The following ERN1 variants were observed in gnomAD, a reference collection of about 807,000 sequenced individuals.
ERN1 encodes endoplasmic reticulum to nucleus signaling 1.
A neutral mutation model predicts 113.1 loss-of-function variants in ERN1; 39 were observed. The observed-to-expected ratio is 0.34, with a 90% confidence interval of 0.27 to 0.45. The LOEUF (loss-of-function observed/expected upper bound fraction) is 0.45, where lower values mean the gene tolerates loss of function less well. Among genes scored for constraint, ERN1 ranks in the 20% least tolerant of loss-of-function variants. The pLI is 1.00. For synonymous variants in ERN1, 507 were observed against 515.9 expected (o/e 0.98, Z 0.23); for missense variants, 976 against 1,274.8 (o/e 0.77, Z 3.57).
At chr17:64,098,696 GA>G in intron 1 of ERN1, 1 of 395,140 alleles carries the variant, frequency 2.5e-6, no homozygotes, top group Admixed American at 3.4e-5. Flanking sequence ...AGCAAAATAG[GA>G]AAAACAGCTT....
intron 1 of ERN1, among the ~76,000 whole-genome samples, chr17:64,113,403 A>G (rs1914722628): frequency 6.6e-6 from 1 of 152,242 alleles, no homozygotes; most frequent in Non-Finnish European, 1.5e-5. Context: ...AAACAAGTAT[A>G]CATAATTAGT....
rs1319705233 is a variant in ERN1 at position 64,063,957 on chromosome 17, T to A, written c.1087+29A>T. The A allele has an allele frequency of 6.2e-7, 1 of 1,609,668 alleles. No homozygotes were observed. The highest frequency in any genetic ancestry group is 2.2e-5 in the East Asian group (1 of 44,846). On this transcript the variant is annotated intron_variant, in intron 10 of 21. Transcript: ENST00000433197. This position sits in a 1 kb window ranked among gnomAD's most constrained non-coding sequence, Gnocchi z 5.1. ...CACCAGGAGGCAGCACGCTGTCACC[T>A]CAGGCTACTGTGGGAGACCTGCTCT...
intron 1 of ERN1, among the ~76,000 whole-genome samples, chr17:64,124,131 C>T (rs1302631838): frequency 1.3e-5 from 2 of 152,110 alleles, no homozygotes; most frequent in Non-Finnish European, 2.9e-5. Flanking sequence ...GACACTGTAA[C>T]CCTCCTTCCT....
chr17:64,096,562 C>T (rs1379762582), intron 2 of ERN1, among the ~76,000 whole-genome samples: 1 of 152,206 alleles, frequency 6.6e-6, no homozygotes, highest in African/African-American at 2.4e-5. Flanking sequence ...TTCCCTGCCC[C>T]TGCTCCCCCG....
At chr17:64,059,576 G>A (rs1176523446) in intron 11 of ERN1, among the ~76,000 whole-genome samples, 2 of 152,342 alleles carry the variant, frequency 1.3e-5, no homozygotes, top group African/African-American at 4.8e-5. Context: ...CAAAGCAATG[G>A]CTTCCCCAAC....
At position 64,121,554 on chromosome 17, in the gene ERN1, A is replaced by T. The variant is rs1202851125; in HGVS notation, c.54+8422T>A. Reference sequence around the variant, plus strand: ...GCCCAGGCTGGAGTGCAATGGCAGGATCTCAGCTCACTGCAACCTCCGCCT... The same window carrying T: ...GCCCAGGCTGGAGTGCAATGGCAGGTTCTCAGCTCACTGCAACCTCCGCCT... On this transcript the variant is annotated intron_variant, in intron 1 of 21. Transcript: ENST00000433197. Among the ~76,000 whole-genome samples the T allele has an allele frequency of 3.3e-5, 5 of 152,146 alleles. No homozygotes were observed. In the East Asian group the frequency reaches 7.7e-4, roughly 23 times the overall value.
intron 1 of ERN1, among the ~76,000 whole-genome samples, chr17:64,122,444 G>A (rs1914978868): frequency 1.3e-5 from 2 of 152,200 alleles, no homozygotes; most frequent in African/African-American, 2.4e-5. Flanking sequence ...AGCCCATCAA[G>A]CAGTCTAATG....
At position 64,043,943 on chromosome 17, in the gene ERN1, C is replaced by T. The variant is rs370321490; in HGVS notation, c.*45G>A. Reference sequence around the variant, plus strand: ...CAAGCTCTAATTGTGGTGACCAGGCCCTCAGTCACAGCTGGGGCCACCAGA... The same window carrying T: ...CAAGCTCTAATTGTGGTGACCAGGCTCTCAGTCACAGCTGGGGCCACCAGA... On this transcript the variant is annotated 3_prime_UTR_variant, in exon 22 of 22. Transcript: ENST00000433197. 7.5e-7 allele frequency: 1 copy of T among 1,341,686 alleles called. No homozygotes were observed. The highest frequency in any genetic ancestry group is 1.0e-6 in the Non-Finnish European group (1 of 955,400). 83.1% of individuals were successfully genotyped at this position (1,341,686 alleles called of 1,614,324 possible). A position where few individuals can be genotyped will look rare whatever the true frequency, so the allele number is the denominator to read the frequency against.
In ERN1 at chr17:64,075,436, T is replaced by C. The variant is rs950874013; in HGVS notation, c.283-189A>G. On this transcript the variant is annotated intron_variant, in intron 4 of 21. Transcript: ENST00000433197. Reference sequence around the variant, plus strand: ...TATGCTTCCACATCTACTGTGTTTTTATTTTCATTTTTTTGAGACAGGGTC... The same window carrying C: ...TATGCTTCCACATCTACTGTGTTTTCATTTTCATTTTTTTGAGACAGGGTC... Among the ~76,000 whole-genome samples, 8 of 152,278 alleles carry C rather than the reference T, an allele frequency of 5.3e-5. No homozygotes were observed. The East Asian group carries it at 1.5e-3, about 29-fold the overall frequency.
intron 2 of ERN1, among the ~76,000 whole-genome samples, chr17:64,086,613 A>G (rs371187948): frequency 2.2e-5 from 1 of 46,286 alleles, no homozygotes; most frequent in African/African-American, 7.2e-5. Context: ...ACCTATTTTC[A>G]TTTCTTTTTT....
chr17:64,083,518 C>T (rs1259188914), intron 2 of ERN1, among the ~76,000 whole-genome samples: 1 of 152,068 alleles, frequency 6.6e-6, no homozygotes, highest in Non-Finnish European at 1.5e-5. Flanking sequence ...AAGCCAATGT[C>T]ACCAAGTTGT....
chr17:64,054,521 T>C lies in ERN1; in HGVS notation c.1764-82A>G, dbSNP rs1040511117. 1 of 1,340,198 alleles carries C rather than the reference T, an allele frequency of 7.5e-7. No homozygotes were observed. Among genetic ancestry groups the C allele is most frequent in the Admixed American group, 2.1e-5 (1 of 47,252 alleles). The allele number at this position is 1,340,198 out of a possible 1,614,324, so 83.0% of individuals were successfully genotyped here. Reference sequence around the variant, plus strand: ...GAGGTGAGAACCTGGGTCCACAGCATTCACCTACTGCCTCCCAGCCTAGAG... The same window carrying C: ...GAGGTGAGAACCTGGGTCCACAGCACTCACCTACTGCCTCCCAGCCTAGAG... On this transcript the variant is annotated intron_variant, in intron 14 of 21. Coordinates refer to ENST00000433197, the MANE Select transcript of ERN1 (RefSeq NM_001433.5). This position sits in a 1 kb window ranked among gnomAD's most constrained non-coding sequence, Gnocchi z 4.9.
At chr17:64,098,312 C>T in intron 1 of ERN1, 71 bp from the exon 2 acceptor site, 1 of 1,565,928 alleles carries the variant, frequency 6.4e-7, no homozygotes, top group Non-Finnish European at 8.8e-7. Flanking sequence ...ATCACAGACC[C>T]CCCACTCCCA....
intron 1 of ERN1, among the ~76,000 whole-genome samples, chr17:64,116,654 A>AACACACACACAC (rs149334208): frequency 2.7e-5 from 4 of 149,674 alleles, no homozygotes; most frequent in African/African-American, 9.9e-5. Flanking sequence ...AAAAAAAAAT[A>AACACACACACAC]ACACACACAC....
chr17:64,128,267 T>A (rs1915135675), intron 1 of ERN1, among the ~76,000 whole-genome samples: 1 of 148,576 alleles, frequency 6.7e-6, no homozygotes, highest in African/African-American at 2.5e-5. Context: ...CACCTCAGCC[T>A]CCCAAAGTGC....
Position 64,063,893 on chromosome 17 carries a change from G to A in ERN1, c.1087+93C>T, listed in dbSNP as rs1598053776. On this transcript the variant is annotated intron_variant, in intron 10 of 21. Transcript: ENST00000433197. This position sits in a 1 kb window ranked among gnomAD's most constrained non-coding sequence, Gnocchi z 5.1. ...AAGGGCTCTGAGCACAAGGCCTTCCGAGCTCAGTACGGTGTAACTACCAGG... is the reference window on the plus strand; with the variant it reads ...AAGGGCTCTGAGCACAAGGCCTTCCAAGCTCAGTACGGTGTAACTACCAGG... The A allele has an allele frequency of 3.2e-6, 4 of 1,252,092 alleles. No individual in the cohort carries two copies. Among genetic ancestry groups the A allele is most frequent in the Admixed American group, 2.1e-5 (1 of 48,134 alleles). 77.6% of individuals were successfully genotyped at this position (1,252,092 alleles called of 1,614,324 possible). A position where few individuals can be genotyped will look rare whatever the true frequency, so the allele number is the denominator to read the frequency against.
chr17:64,094,435 A>C (rs184850968), intron 2 of ERN1, among the ~76,000 whole-genome samples: 52 of 152,266 alleles, frequency 3.4e-4, no homozygotes, highest in Non-Finnish European at 4.1e-4. Flanking sequence ...TTTCTTTTTG[A>C]AACTGTGTAT....
In ERN1 at chr17:64,054,808, T is replaced by C; in HGVS notation, c.1693A>G (p.Ile565Val). The C allele has an allele frequency of 6.2e-7, 1 of 1,608,972 alleles. No individual in the cohort carries two copies. Residue 565 changes from isoleucine to valine, a missense_variant, in exon 14 of 22, where the codon ATA becomes GTA. Transcript: ENST00000433197. This position sits in a 1 kb window ranked among gnomAD's most constrained non-coding sequence, Gnocchi z 4.9. ...DDGDEETSVV[I>V]VGKISFCPKD... ...GGACAGAAGGAAATTTTCCCAACTA[T>C]CACCACGCTGGTTTCCTCATCTGGG...
chr17:64,125,956 T>C (rs1330532197), intron 1 of ERN1, among the ~76,000 whole-genome samples: 1 of 152,234 alleles, frequency 6.6e-6, no homozygotes, highest in Non-Finnish European at 1.5e-5. Flanking sequence ...TTGTATTTGC[T>C]GTATGTTTGT....
Sources: gnomAD v4.1 joint callset for allele counts (sites outside exome capture counted in the v4.1 genomes callset) on GRCh38, gnomAD v4.1.1 for gene constraint, Gnocchi (gnomAD v3.1) non-coding constraint, MANE v1.5 for transcripts, NCBI Gene and HGNC (gene_info 2026-07-23, HGNC 2026-07-21) for gene names.